AKAP13: variants seen among roughly 807,000 people sequenced by gnomAD.
AKAP13 encodes A-kinase anchoring protein 13, also known as A-kinase anchor protein 13.
AKAP13 carries 80 observed loss-of-function variants against 264.5 expected under a neutral mutation model. That is an observed-to-expected ratio of 0.30 (90% CI 0.25 to 0.36). The LOEUF (loss-of-function observed/expected upper bound fraction) is 0.36. AKAP13 is among the 10% of genes least tolerant of loss of function. The pLI is 1.00. For synonymous variants in AKAP13, 1,380 were observed against 1,250.2 expected, an observed-to-expected ratio of 1.10 and a Z score of -2.19; for missense variants, 3,712 against 3,435.2, an observed-to-expected ratio of 1.08 and a Z score of -2.01.
chr15:85,404,714 TG>T (rs2071586179), intron 1 of AKAP13, among the ~76,000 whole-genome samples: 1 of 152,250 alleles, frequency 6.6e-6, no homozygotes, highest in Admixed American at 6.5e-5. Context: ...TTCCCTTTAC[TG>T]GGCTAGTGTC....
At chr15:85,578,595 C>T (rs1175071831) in intron 6 of AKAP13, among the ~76,000 whole-genome samples, 1 of 152,134 alleles carries the variant, frequency 6.6e-6, no homozygotes, top group East Asian at 1.9e-4. Flanking sequence ...CTGCCTGCCT[C>T]AGCCTCCCAA....
chr15:85,746,173 CTG>C lies in AKAP13; in HGVS notation c.*1498_*1499del, dbSNP rs376271410. 36 of 152,724 alleles carry C rather than the reference CTG, an allele frequency of 2.4e-4. No individual in the cohort carries two copies. The highest frequency in any genetic ancestry group is 8.4e-4 in the African/African-American group (35 of 41,554). The allele number at this position is 152,724 out of a possible 1,614,324, so 9.5% of individuals were successfully genotyped here. A position where few individuals can be genotyped will look rare whatever the true frequency, so the allele number is the denominator to read the frequency against. On this transcript the variant is annotated 3_prime_UTR_variant, in exon 37 of 37. Transcript: ENST00000394518. ...TGAGCACACTTAAAAAAAGAAAAAT[CTG>C]TAACTTGGTGCTTATTGATGAATTG...
chr15:85,385,225 G>T (rs1282820284), intron 1 of AKAP13, among the ~76,000 whole-genome samples: 2 of 152,024 alleles, frequency 1.3e-5, no homozygotes, highest in Non-Finnish European at 2.9e-5. Context: ...AAAGATTAAC[G>T]TTAATTCTAT....
intron 1 of AKAP13, among the ~76,000 whole-genome samples, chr15:85,406,792 A>G (rs907367170): frequency 3.3e-5 from 5 of 151,708 alleles, no homozygotes; most frequent in Admixed American, 2.6e-4. Context: ...GTGTTAGGAG[A>G]ACATAGACAC....
At chr15:85,612,517 G>C (rs1005067233) in intron 8 of AKAP13, among the ~76,000 whole-genome samples, 2 of 152,058 alleles carry the variant, frequency 1.3e-5, no homozygotes, top group Non-Finnish European at 2.9e-5. Context: ...CTATTTGATG[G>C]TATAGTTATC....
At chr15:85,424,651 C>T (rs562310045) in intron 1 of AKAP13, among the ~76,000 whole-genome samples, 10 of 152,316 alleles carry the variant, frequency 6.6e-5, no homozygotes, top group South Asian at 4.1e-4. Context: ...TGTAATTTCC[C>T]GCAAGAACTG....
intron 1 of AKAP13, chr15:85,415,170 G>T (rs2072181784): frequency 2.0e-6 from 2 of 988,192 alleles, no homozygotes; most frequent in African/African-American, 3.2e-5. Context: ...AGATGTGACA[G>T]CACGCTGCCA....
intron 17 of AKAP13, chr15:85,702,201 C>G (rs932554182): frequency 2.0e-5 from 3 of 151,762 alleles, no homozygotes; most frequent in African/African-American, 4.8e-5. Context: ...AGCCAAAGAT[C>G]GCGCCATTGC....
At chr15:85,736,457 T>G (rs2088518965) in intron 33 of AKAP13, among the ~76,000 whole-genome samples, 1 of 151,948 alleles carries the variant, frequency 6.6e-6, no homozygotes, top group South Asian at 2.1e-4. Flanking sequence ...TTGTTTGAGA[T>G]GGGGTCTCAC....
intron 8 of AKAP13, among the ~76,000 whole-genome samples, chr15:85,631,552 A>ACACACT (rs2081827330): frequency 1.4e-5 from 2 of 145,190 alleles, no homozygotes; most frequent in South Asian, 2.2e-4. Context: ...ACACACACAC[A>ACACACT]CTAAATGCAA....
intron 1 of AKAP13, among the ~76,000 whole-genome samples, chr15:85,485,168 C>CAAA (rs2075494062): frequency 6.6e-6 from 1 of 152,168 alleles, no homozygotes; most frequent in Non-Finnish European, 1.5e-5. Context: ...GTGAACATAA[C>CAAA]AATCAGGGAA....
intron 5 of AKAP13, among the ~76,000 whole-genome samples, chr15:85,564,667 A>C (rs2078539024): frequency 6.6e-6 from 1 of 152,128 alleles, no homozygotes. Context: ...CTGCCACTAC[A>C]TTGGGTTGTA....
At chr15:85,621,961 A>G (rs1474102883) in intron 8 of AKAP13, among the ~76,000 whole-genome samples, 1 of 152,226 alleles carries the variant, frequency 6.6e-6, no homozygotes, top group African/African-American at 2.4e-5. Flanking sequence ...GAAAATAGTC[A>G]TTAGTAAATA....
chr15:85,409,569 ATTCTGTGGGTTGCCTT>A (rs1021888052), intron 1 of AKAP13, among the ~76,000 whole-genome samples: 4 of 149,740 alleles, frequency 2.7e-5, no homozygotes, highest in African/African-American at 9.9e-5. Context: ...ATTTTCTCCC[ATTCTGTGGGTTGCCTT>A]TTCACTCTGT....
At chr15:85,638,432 C>T (rs1348858823) in intron 8 of AKAP13, among the ~76,000 whole-genome samples, 1 of 152,086 alleles carries the variant, frequency 6.6e-6, no homozygotes, top group East Asian at 1.9e-4. Context: ...TCCAAGTGCA[C>T]TTGAGAATGT....
chr15:85,521,633 G>A (rs2076826184), intron 3 of AKAP13, 58 bp downstream of exon 3: 5 of 1,563,680 alleles, frequency 3.2e-6, no homozygotes, highest in African/African-American at 2.7e-5. Flanking sequence ...CCTTTTATTC[G>A]ATGTTTATGA....
At chr15:85,398,919 A>C (rs992662385) in intron 1 of AKAP13, among the ~76,000 whole-genome samples, 2 of 151,966 alleles carry the variant, frequency 1.3e-5, no homozygotes, top group Non-Finnish European at 2.9e-5. Context: ...TATTATTTGA[A>C]TAGGTTGTGT....
At chr15:85,734,961 A>T (rs1430387690) in intron 30 of AKAP13, 31 bp from the exon 31 acceptor site, 2 of 1,606,734 alleles carry the variant, frequency 1.2e-6, no homozygotes, top group South Asian at 2.2e-5. Flanking sequence ...GAAAGATAAG[A>T]TGTCAGCTTT....
intron 8 of AKAP13, among the ~76,000 whole-genome samples, chr15:85,586,917 G>A (rs1393115675): frequency 1.6e-5 from 2 of 123,170 alleles, no homozygotes; most frequent in African/African-American, 3.1e-5. Context: ...GACAGAGCAC[G>A]ACACCTTCTC....
Sources: gnomAD v4.1 joint callset for allele counts (sites outside exome capture counted in the v4.1 genomes callset) on GRCh38, gnomAD v4.1.1 for gene constraint, MANE v1.5 for transcripts, NCBI Gene and HGNC (gene_info 2026-07-23, HGNC 2026-07-21) for gene names.